Variants in NFASC observed in about 807,000 individuals in gnomAD.
The protein encoded by NFASC is neurofascin homolog.
NFASC carries 43 observed loss-of-function variants against 147.5 expected under a neutral mutation model. The ratio of observed to expected loss-of-function variants is 0.29; its 90% CI spans 0.23 to 0.38. NFASC has a LOEUF of 0.38. NFASC is among the 10% of genes least tolerant of loss of function. The pLI is 1.00. For missense variants in NFASC, 1,320 were observed against 1,689.0 expected (o/e 0.78, Z 3.83); for synonymous variants, 622 against 665.5 (o/e 0.93, Z 1.01).
chr1:204,968,560 G>T lies in NFASC; in HGVS notation c.818+200G>T. ...TGGCCATCTCTGTTTTGGATAATGA[G>T]GAAAGAAGGTGATTAGGCATCCCGT... On this transcript the variant is annotated intron_variant, in intron 9 of 29. Coordinates refer to ENST00000339876, the MANE Select transcript of NFASC (RefSeq NM_001005388.3). The surrounding 1 kb of genome is among the most constrained non-coding windows in gnomAD (Gnocchi z 5.4). 1 of 616,052 alleles carries T rather than the reference G, an allele frequency of 1.6e-6. No individual in the cohort carries two copies. 38.2% of individuals were successfully genotyped at this position (616,052 alleles called of 1,614,324 possible).
In NFASC at chr1:204,968,444, A is replaced by G; in HGVS notation, c.818+84A>G. ...TTGTTCATGCTCTTGTTAATGCCAC[A>G]TTTAGTGCATACCAGTAGCACAGCA... On this transcript the variant is annotated intron_variant, in intron 9 of 29. Transcript: ENST00000339876. This position sits in a 1 kb window ranked among gnomAD's most constrained non-coding sequence, Gnocchi z 5.4. 1.0e-6 allele frequency: 1 copy of G among 982,738 alleles called. No homozygotes were observed. The highest frequency in any genetic ancestry group is 1.8e-5 in the Admixed American group (1 of 54,274). The allele number at this position is 982,738 out of a possible 1,614,324, so 60.9% of individuals were successfully genotyped here.
intron 1 of NFASC, among the ~76,000 whole-genome samples, chr1:204,845,958 G>A (rs781308584): frequency 6.6e-6 from 1 of 152,154 alleles, no homozygotes; most frequent in Non-Finnish European, 1.5e-5. Flanking sequence ...CTGGAATTCG[G>A]AAGAAATGGA....
chr1:204,964,812 T>A (rs553531139), intron 8 of NFASC, among the ~76,000 whole-genome samples: 4 of 152,336 alleles, frequency 2.6e-5, no homozygotes, highest in Non-Finnish European at 4.4e-5. Flanking sequence ...ATACGTCTGA[T>A]TCATTGAACT....
In NFASC at chr1:204,976,781, A is replaced by G; in HGVS notation, c.1817A>G (p.Tyr606Cys). The G allele has an allele frequency of 1.2e-6, 2 of 1,613,754 alleles. No homozygotes were observed. The highest frequency in any genetic ancestry group is 1.7e-6 in the Non-Finnish European group (2 of 1,179,820). The change falls in exon 16 of 30, where the codon TAC (tyrosine) becomes TGC (cysteine). Residue 606 changes from tyrosine to cysteine, a missense_variant. Tyr to Cys is a radical substitution (Grantham distance 194). This residue lies in a region of NFASC where 981 missense variants were observed against 1,289.5 expected (regional missense o/e 0.76). Transcript: ENST00000339876. ...TELDQDLAKA[Y>C]LTVLADQATP... ...CTAGACCAAGACCTGGCCAAGGCCT[A>G]CCTCACCGTGCTAGGTAACTGCCCA...
chr1:204,883,258 A>G (rs1222479169), intron 1 of NFASC, among the ~76,000 whole-genome samples: 1 of 152,188 alleles, frequency 6.6e-6, no homozygotes, highest in Non-Finnish European at 1.5e-5. Flanking sequence ...GCCTGACTGA[A>G]TAGGAGTTTC....
chr1:204,854,263 G>A (rs142654100), intron 1 of NFASC, among the ~76,000 whole-genome samples: 7 of 152,258 alleles, frequency 4.6e-5, no homozygotes, highest in East Asian at 3.9e-4. Flanking sequence ...TCTCTGTCAC[G>A]TCAGGCCCCT....
In NFASC at chr1:205,018,105, T is replaced by G. The variant is rs1402311690; in HGVS notation, c.*1566T>G. The G allele has an allele frequency of 6.5e-6, 1 of 152,754 alleles. No homozygotes were observed. The highest frequency in any genetic ancestry group is 1.5e-5 in the Non-Finnish European group (1 of 68,096). The allele number at this position is 152,754 out of a possible 1,614,324, so 9.5% of individuals were successfully genotyped here. A position where few individuals can be genotyped will look rare whatever the true frequency, so the allele number is the denominator to read the frequency against. Reference sequence around the variant, plus strand: ...TGCTGCCTTCATCCTCCCCACCTAATGCATTTTTGAAACCAAAGGTACCTA... The same window carrying G: ...TGCTGCCTTCATCCTCCCCACCTAAGGCATTTTTGAAACCAAAGGTACCTA... On this transcript the variant is annotated 3_prime_UTR_variant, in exon 30 of 30. Transcript: ENST00000339876.
intron 24 of NFASC, among the ~76,000 whole-genome samples, chr1:204,995,315 A>AGTGT (rs60921990): frequency 0.075 from 10,538 of 140,756 alleles, 457 homozygotes; most frequent in South Asian, 0.14. Context: ...ATGTGTGCAC[A>AGTGT]GTGTGTGTGT....
chr1:204,932,427 C>T (rs1164263506), intron 2 of NFASC, among the ~76,000 whole-genome samples: 1 of 152,012 alleles, frequency 6.6e-6, no homozygotes, highest in African/African-American at 2.4e-5. Flanking sequence ...TTGCCAGGGA[C>T]TATGCTGGCC....
intron 13 of NFASC, 135 bp from the exon 14 acceptor site, chr1:204,974,522 C>T (rs1479686470): frequency 9.0e-7 from 1 of 1,113,640 alleles, no homozygotes. Context: ...GGCAGACCCT[C>T]CGAGGCTCAG....
At chr1:204,862,573 A>G (rs2076765441) in intron 1 of NFASC, among the ~76,000 whole-genome samples, 1 of 152,240 alleles carries the variant, frequency 6.6e-6, no homozygotes, top group Non-Finnish European at 1.5e-5. Flanking sequence ...AGAGAGATCA[A>G]GTTTAAAATA....
chr1:204,959,935 A>T lies in NFASC; in HGVS notation c.706+2109A>T, dbSNP rs577242758. Among the ~76,000 whole-genome samples the T allele has an allele frequency of 2.0e-5, 3 of 152,344 alleles. No homozygotes were observed. In the East Asian group the frequency reaches 5.8e-4, roughly 29 times the overall value. On this transcript the variant is annotated intron_variant, in intron 8 of 29. Transcript: ENST00000339876. ...AAAACTCTTTCCTCCGAATGGCGAG[A>T]GACCCCCTAGGTGATTGGAACAGAG...
intron 1 of NFASC, among the ~76,000 whole-genome samples, chr1:204,878,132 G>A (rs1053248623): frequency 1.3e-5 from 2 of 152,196 alleles, no homozygotes; most frequent in Non-Finnish European, 2.9e-5. Context: ...GTTTCCTCAA[G>A]GAAAAAAGAC....
chr1:204,864,013 C>A (rs938319565), intron 1 of NFASC, among the ~76,000 whole-genome samples: 3 of 152,066 alleles, frequency 2.0e-5, no homozygotes, highest in Non-Finnish European at 2.9e-5. Flanking sequence ...AACCATTAAG[C>A]ATTAACTTCC....
chr1:204,884,901 A>C (rs2081008313), intron 1 of NFASC, among the ~76,000 whole-genome samples: 1 of 152,160 alleles, frequency 6.6e-6, no homozygotes, highest in Admixed American at 6.5e-5. Context: ...AGAGAGAATC[A>C]CACAGGAAAG....
At chr1:205,002,233 C>G (rs2096003749) in intron 26 of NFASC, among the ~76,000 whole-genome samples, 1 of 152,154 alleles carries the variant, frequency 6.6e-6, no homozygotes, top group African/African-American at 2.4e-5. Flanking sequence ...GGCTTTTGGC[C>G]CTCACCAGCC....
chr1:204,925,193 C>T, intron 2 of NFASC, among the ~76,000 whole-genome samples: 1 of 152,336 alleles, frequency 6.6e-6, no homozygotes, highest in East Asian at 1.9e-4. Flanking sequence ...AGCTATGTGC[C>T]AGGCCTTGGA....
intron 23 of NFASC, chr1:204,989,190 T>C: frequency 3.9e-6 from 1 of 255,424 alleles, no homozygotes; most frequent in East Asian, 1.0e-4. Flanking sequence ...TGATTGTGAG[T>C]GCTCCCATGA....
rs1252672417 is a variant in NFASC, at chr1:204,968,981, G to A, written c.1002G>A (p.Lys334=). ...GGCACACGATCTCGGTGAGAGTAAA[G>A]GGTACGTTGTGTGTATTTATCATTA... The part of the protein sequence containing the change: ...SIRHTISVRV[K]AAPYWLDEPK... The change falls in exon 10 of 30, where the codon AAG becomes AAA. Residue 334 remains lysine (K), a splice_region_variant and synonymous_variant. Transcript: ENST00000339876. This position sits in a 1 kb window ranked among gnomAD's most constrained non-coding sequence, Gnocchi z 5.4. 1 of 1,612,858 alleles carries A rather than the reference G, an allele frequency of 6.2e-7. No individual in the cohort carries two copies. The highest frequency in any genetic ancestry group is 8.5e-7 in the Non-Finnish European group (1 of 1,179,420).
Sources: gnomAD v4.1 joint callset for allele counts (sites outside exome capture counted in the v4.1 genomes callset) on GRCh38, gnomAD v4.1.1 for gene constraint, gnomAD v4.1.1 regional missense constraint, Gnocchi (gnomAD v3.1) non-coding constraint, MANE v1.5 for transcripts, NCBI Gene and HGNC (gene_info 2026-07-23, HGNC 2026-07-21) for gene names.